The following TOP2B variants were observed in gnomAD, a reference collection of about 807,000 sequenced individuals.
The protein encoded by TOP2B is DNA topoisomerase 2-beta.
In TOP2B, 51 loss-of-function variants were observed where a neutral mutation model predicts 193.5. That is an observed-to-expected ratio of 0.26 (90% confidence interval 0.21 to 0.33). The LOEUF is 0.33. Among genes scored for constraint, TOP2B ranks in the 10% least tolerant of loss-of-function variants. TOP2B has a pLI of 1.00. For synonymous variants in TOP2B, 634 were observed against 635.7 expected, an observed-to-expected ratio of 1.00 and a Z score of 0.04; for missense variants, 1,378 against 1,909.3, an observed-to-expected ratio of 0.72 and a Z score of 5.19.
intron 33 of TOP2B, 111 bp downstream of exon 33, chr3:25,604,649 T>C: frequency 1.1e-6 from 1 of 890,702 alleles, no homozygotes; most frequent in Non-Finnish European, 1.7e-6. Context: ...CACTTATACT[T>C]CTTAATTGTT....
chr3:25,663,278 A>C (rs1703972090), intron 1 of TOP2B, among the ~76,000 whole-genome samples: 1 of 152,198 alleles, frequency 6.6e-6, no homozygotes, highest in Non-Finnish European at 1.5e-5. Flanking sequence ...GCCTATATGA[A>C]AGCTCCCTTG....
chr3:25,608,965 C>A (rs937819699), intron 30 of TOP2B, among the ~76,000 whole-genome samples: 5 of 152,034 alleles, frequency 3.3e-5, no homozygotes, highest in African/African-American at 9.7e-5. Flanking sequence ...ATAAACCAAA[C>A]TTTATAATAA....
intron 18 of TOP2B, among the ~76,000 whole-genome samples, chr3:25,625,468 G>A (rs1046079652): frequency 9.2e-5 from 14 of 152,058 alleles, no homozygotes; most frequent in Admixed American, 3.3e-4. Flanking sequence ...TGTCCAACCC[G>A]TGGCCCGTGG....
chr3:25,632,904 C>A, intron 8 of TOP2B, 110 bp from the exon 9 acceptor site: 1 of 879,066 alleles, frequency 1.1e-6, no homozygotes, highest in Non-Finnish European at 1.7e-6. Flanking sequence ...AGTCTCAGAA[C>A]GAGAGTTGAG....
chr3:25,597,909 A>C (rs903927925), downstream of TOP2B: 2 of 153,532 alleles, frequency 1.3e-5, no homozygotes, highest in Non-Finnish European at 2.9e-5. Flanking sequence ...CTCCTGGCAA[A>C]GAATAAAATA....
At chr3:25,634,129 A>G (rs1703036479) in intron 7 of TOP2B, 115 bp from the exon 8 acceptor site, 4 of 721,090 alleles carry the variant, frequency 5.5e-6, no homozygotes, top group African/African-American at 1.8e-5. Flanking sequence ...TTCTAAGTGC[A>G]CCGATCCAAA....
At chr3:25,618,946 A>C (rs1702584921) in intron 23 of TOP2B, 97 bp from the exon 24 acceptor site, 1 of 900,872 alleles carries the variant, frequency 1.1e-6, no homozygotes, top group Admixed American at 3.3e-5. Flanking sequence ...ATAATATATA[A>C]CCATAATGCA....
Position 25,620,804 on chromosome 3 carries a change from T to G in TOP2B, c.2740A>C (p.Lys914Gln). The stretch of plus-strand genomic sequence containing the variant: ...TCTTGAATCGTGCCTTTAAAGTTTT[T>G]GTAGTTTGGAAGCTGTAGAGAAAAA... The part of the protein sequence containing the change: ...LDPHPMLPNY[K>Q]NFKGTIQELG... Residue 914 changes from lysine (K) to glutamine (Q), a missense_variant, in exon 22 of 36, where the codon AAA becomes CAA. Physicochemically the swap from Lys to Gln is moderately conservative, Grantham distance 53. Around this residue, in one of 9 missense-constraint regions of TOP2B, gnomAD observed 379 missense variants for 615.1 expected, o/e 0.62. Coordinates refer to ENST00000264331, the MANE Select transcript of TOP2B (RefSeq NM_001330700.2). 6.2e-7 allele frequency: 1 copy of G among 1,613,420 alleles called. No individual in the cohort carries two copies. Among genetic ancestry groups the G allele is most frequent in the Non-Finnish European group, 8.5e-7 (1 of 1,179,584 alleles).
chr3:25,638,126 A>C lies in TOP2B; in HGVS notation c.541+39T>G, dbSNP rs547284553. 2.1e-5 allele frequency: 32 copies of C among 1,519,360 alleles called. No homozygotes were observed. In the Admixed American group the frequency reaches 6.2e-4, roughly 29 times the overall value. The allele number at this position is 1,519,360 out of a possible 1,614,324, so 94.1% of individuals were successfully genotyped here. The stretch of plus-strand genomic sequence containing the variant: ...GTAAGTTATACATTTTATATTAAGA[A>C]AACAGTATTTTTCAACCAAAATTCC... On this transcript the variant is annotated intron_variant, in intron 5 of 35. Transcript: ENST00000264331.
chr3:25,602,823 T>C (rs933727927), intron 33 of TOP2B, among the ~76,000 whole-genome samples: 2 of 152,224 alleles, frequency 1.3e-5, no homozygotes, highest in Admixed American at 1.3e-4. Context: ...TGCTGTAAAC[T>C]ATTGGAACTA....
At chr3:25,604,979 G>T in intron 32 of TOP2B, 109 bp from the exon 33 acceptor site, 1 of 730,030 alleles carries the variant, frequency 1.4e-6, no homozygotes, top group Non-Finnish European at 2.3e-6. Context: ...TTGATCTTAT[G>T]TTACTATTTT....
chr3:25,647,676 T>C (rs1289372609), intron 1 of TOP2B, among the ~76,000 whole-genome samples: 4 of 152,030 alleles, frequency 2.6e-5, no homozygotes, highest in Non-Finnish European at 4.4e-5. Context: ...TACAACTTTT[T>C]CCACACTTCC....
chr3:25,615,358 AT>A (rs1239726113), intron 26 of TOP2B, 70 bp from the exon 27 acceptor site: 1 of 1,550,166 alleles, frequency 6.5e-7, no homozygotes, highest in African/African-American at 1.4e-5. Context: ...CAAAATACTT[AT>A]TTTTGGAAAA....
At chr3:25,611,182 T>C (rs980621631) in intron 28 of TOP2B, among the ~76,000 whole-genome samples, 7 of 152,128 alleles carry the variant, frequency 4.6e-5, no homozygotes, top group Admixed American at 2.6e-4. Flanking sequence ...GCTCTGGGCA[T>C]AGATAAGGTT....
chr3:25,664,452 C>T lies in TOP2B; in HGVS notation c.-155G>A. The T allele has an allele frequency of 8.1e-7, 1 of 1,242,126 alleles. No individual in the cohort carries two copies. Among genetic ancestry groups the T allele is most frequent in the South Asian group, 3.1e-5 (1 of 32,360 alleles). The allele number at this position is 1,242,126 out of a possible 1,614,324, so 76.9% of individuals were successfully genotyped here. A position where few individuals can be genotyped will look rare whatever the true frequency, so the allele number is the denominator to read the frequency against. Reference sequence around the variant, plus strand: ...CCCCATCGCGAAGATCCGGAGCGGACGTCCAGCCGAGCCCGCTGAGGAGGC... The same window carrying T: ...CCCCATCGCGAAGATCCGGAGCGGATGTCCAGCCGAGCCCGCTGAGGAGGC... On this transcript the variant is annotated 5_prime_UTR_variant, in exon 1 of 36. Transcript: ENST00000264331.
At chr3:25,660,708 C>T (rs963823640) in intron 1 of TOP2B, among the ~76,000 whole-genome samples, 6 of 152,172 alleles carry the variant, frequency 3.9e-5, no homozygotes, top group Admixed American at 6.5e-5. Context: ...GCAATTTAGA[C>T]TCGCAACAGT....
intron 11 of TOP2B, 134 bp downstream of exon 11, chr3:25,630,667 G>A (rs1702929014): frequency 4.2e-6 from 4 of 946,656 alleles, no homozygotes; most frequent in Non-Finnish European, 6.0e-6. Context: ...TTGTGTATGT[G>A]ATAATTTCAA....
In TOP2B at chr3:25,664,487, G is replaced by A. The variant is rs1575593020; in HGVS notation, c.-190C>T. Reference sequence around the variant, plus strand: ...AGCCCGCTGAGGAGGCCGCGCCGCCGGCTGCCCTCAAACTCGAGGCGCGGC... The same window carrying A: ...AGCCCGCTGAGGAGGCCGCGCCGCCAGCTGCCCTCAAACTCGAGGCGCGGC... On this transcript the variant is annotated 5_prime_UTR_variant, in exon 1 of 36. Transcript: ENST00000264331. The A allele has an allele frequency of 8.4e-7, 1 of 1,195,364 alleles. No individual in the cohort carries two copies. Among genetic ancestry groups the A allele is most frequent in the African/African-American group, 1.6e-5 (1 of 62,578 alleles). The allele number at this position is 1,195,364 out of a possible 1,614,324, so 74.0% of individuals were successfully genotyped here.
chr3:25,654,896 A>G (rs950963450), intron 1 of TOP2B, among the ~76,000 whole-genome samples: 2 of 152,230 alleles, frequency 1.3e-5, no homozygotes, highest in African/African-American at 4.8e-5. Context: ...CTCATGCCAC[A>G]TACAAAAATT....
Sources: allele counts gnomAD v4.1 joint callset (sites outside exome capture counted in the v4.1 genomes callset), GRCh38; gene constraint gnomAD v4.1.1; regional missense constraint gnomAD v4.1.1; transcripts MANE v1.5; gene names NCBI Gene and HGNC (gene_info 2026-07-23, HGNC 2026-07-21).